The following KCNT2 variants were observed in gnomAD, a reference collection of about 807,000 sequenced individuals.
KCNT2 encodes the protein potassium channel subfamily T member 2.
KCNT2 carries 67 observed loss-of-function variants against 153.8 expected under a neutral mutation model. The observed-to-expected ratio is 0.44, with a 90% CI of 0.36 to 0.53. KCNT2 has a LOEUF of 0.53. Ranked by LOEUF, KCNT2 falls within the 20% of genes least tolerant of loss-of-function variation. KCNT2 has a pLI of 0.00. For missense variants in KCNT2, 975 were observed against 1,354.8 expected (o/e 0.72, Z 4.40); for synonymous variants, 500 against 458.8 (o/e 1.09, Z -1.15).
intron 1 of KCNT2, among the ~76,000 whole-genome samples, chr1:196,548,863 G>C (rs1268506852): frequency 6.6e-6 from 1 of 152,052 alleles, no homozygotes; most frequent in East Asian, 1.9e-4. Context: ...TAGGAACATG[G>C]ATGAAATTGG....
At chr1:196,333,090 G>A (rs1034341597) in intron 17 of KCNT2, among the ~76,000 whole-genome samples, 2 of 148,724 alleles carry the variant, frequency 1.3e-5, no homozygotes, top group Non-Finnish European at 3.0e-5. Flanking sequence ...GTGCCCAGCT[G>A]CAAGTTTTTT....
intron 10 of KCNT2, among the ~76,000 whole-genome samples, chr1:196,427,657 A>G (rs1390980384): frequency 6.6e-6 from 1 of 152,096 alleles, no homozygotes; most frequent in Non-Finnish European, 1.5e-5. Flanking sequence ...CAAAAGAAAA[A>G]AATGAAAGTC....
intron 22 of KCNT2, among the ~76,000 whole-genome samples, chr1:196,302,700 A>G (rs1661298526): frequency 6.6e-6 from 1 of 151,750 alleles, no homozygotes; most frequent in African/African-American, 2.4e-5. Flanking sequence ...TCTAAAGACC[A>G]CATCTGTAAG....
At chr1:196,374,668 T>C (rs1178352915) in intron 13 of KCNT2, among the ~76,000 whole-genome samples, 1 of 151,760 alleles carries the variant, frequency 6.6e-6, no homozygotes, top group African/African-American at 2.4e-5. Context: ...GTACATAAGA[T>C]TTGCAAAAGA....
intron 22 of KCNT2, among the ~76,000 whole-genome samples, chr1:196,296,623 G>A (rs1210316074): frequency 6.6e-6 from 1 of 152,062 alleles, no homozygotes; most frequent in African/African-American, 2.4e-5. Context: ...AATCTCTCAA[G>A]TAATTCCTCT....
intron 25 of KCNT2, among the ~76,000 whole-genome samples, chr1:196,263,214 G>T (rs1657187208): frequency 6.6e-6 from 1 of 150,684 alleles, no homozygotes; most frequent in Admixed American, 6.6e-5. Context: ...TGGGGTACGT[G>T]TGCAGAACGT....
chr1:196,447,034 A>G (rs1039646782), intron 8 of KCNT2, among the ~76,000 whole-genome samples: 4 of 151,710 alleles, frequency 2.6e-5, no homozygotes, highest in African/African-American at 9.6e-5. Context: ...ATTGGCCTTC[A>G]TTGTTAATCG....
chr1:196,477,106 A>G (rs1238192770), intron 5 of KCNT2, among the ~76,000 whole-genome samples: 5 of 151,922 alleles, frequency 3.3e-5, no homozygotes, highest in Admixed American at 1.3e-4. Context: ...TTTTCTTTCT[A>G]TACTTTCTTA....
At chr1:196,540,642 T>C (rs575096380) in intron 1 of KCNT2, among the ~76,000 whole-genome samples, 55 of 152,264 alleles carry the variant, frequency 3.6e-4, no homozygotes, top group Non-Finnish European at 5.7e-4. Flanking sequence ...ATCATAGTTG[T>C]TCAGTTCTAC....
At chr1:196,349,341 T>G (rs976105546) in intron 14 of KCNT2, among the ~76,000 whole-genome samples, 1 of 152,106 alleles carries the variant, frequency 6.6e-6, no homozygotes, top group Non-Finnish European at 1.5e-5. Context: ...ACATTGGAGC[T>G]CCATTTAAAT....
chr1:196,514,604 A>C (rs971953506), intron 1 of KCNT2, among the ~76,000 whole-genome samples: 6 of 152,224 alleles, frequency 3.9e-5, no homozygotes, highest in Admixed American at 2.0e-4. Context: ...CATTTAAATA[A>C]ATATGTGTTG....
At chr1:196,434,562 A>G (rs1426470247) in intron 8 of KCNT2, among the ~76,000 whole-genome samples, 1 of 151,988 alleles carries the variant, frequency 6.6e-6, no homozygotes, top group Non-Finnish European at 1.5e-5. Flanking sequence ...CTCACTGTTT[A>G]AAGAAACCTC....
At chr1:196,536,374 G>A (rs1349555863) in intron 1 of KCNT2, among the ~76,000 whole-genome samples, 1 of 152,146 alleles carries the variant, frequency 6.6e-6, no homozygotes, top group Non-Finnish European at 1.5e-5. Context: ...ATTATCATAG[G>A]TGTCACTTTC....
At chr1:196,575,910 A>G (rs987923018) in intron 1 of KCNT2, among the ~76,000 whole-genome samples, 8 of 150,958 alleles carry the variant, frequency 5.3e-5, no homozygotes, top group Admixed American at 4.0e-4. Context: ...CCTGGGAGGC[A>G]GAGGTTGCAG....
intron 13 of KCNT2, among the ~76,000 whole-genome samples, chr1:196,376,384 T>C (rs1310746976): frequency 1.3e-5 from 2 of 151,956 alleles, no homozygotes; most frequent in African/African-American, 2.4e-5. Flanking sequence ...GCTAAATGTT[T>C]GAATATTTAT....
In KCNT2 at chr1:196,316,037, A is replaced by C. The variant is rs374356835; in HGVS notation, c.2349-11T>G. On this transcript the variant is annotated splice_polypyrimidine_tract_variant and intron_variant, in intron 20 of 27. Transcript: ENST00000294725. The stretch of plus-strand genomic sequence containing the variant: ...AGTAAGTCATCTAGGCTTTGATAAA[A>C]ATCAACAGAGAAAAACAAACATTAA... The C allele has an allele frequency of 8.7e-6, 14 of 1,607,906 alleles. No homozygotes were observed. The highest frequency in any genetic ancestry group is 3.3e-4 in the Middle Eastern group (2 of 6,018).
At chr1:196,404,181 G>A in intron 12 of KCNT2, 1 of 964,848 alleles carries the variant, frequency 1.0e-6, no homozygotes, top group Non-Finnish European at 1.2e-6. Context: ...TCTAAAGACT[G>A]CTCTAATAGC....
chr1:196,492,240 G>T, intron 2 of KCNT2, 22 bp downstream of exon 2: 1 of 1,399,682 alleles, frequency 7.1e-7, no homozygotes, highest in South Asian at 1.5e-5. Context: ...ACGAACAGAG[G>T]GGAATGAAAT....
chr1:196,588,275 A>AG (rs930681013), intron 1 of KCNT2, among the ~76,000 whole-genome samples: 49 of 151,634 alleles, frequency 3.2e-4, no homozygotes, highest in South Asian at 6.3e-4. Flanking sequence ...AGATGGGAAA[A>AG]AAAAACAGGA....
Sources: allele counts gnomAD v4.1 joint callset (sites outside exome capture counted in the v4.1 genomes callset), GRCh38; gene constraint gnomAD v4.1.1; transcripts MANE v1.5; gene names NCBI Gene and HGNC (gene_info 2026-07-23, HGNC 2026-07-21).